ADCY2: variants seen among roughly 807,000 people sequenced by gnomAD.
The protein encoded by ADCY2 is adenylate cyclase type 2.
In ADCY2, 31 loss-of-function variants were observed where a neutral mutation model predicts 125.2. The ratio of observed to expected loss-of-function variants is 0.25; its 90% CI spans 0.19 to 0.33. The LOEUF (loss-of-function observed/expected upper bound fraction) is 0.33, where lower values mean the gene tolerates loss of function less well. Ranked by LOEUF, ADCY2 falls within the 10% of genes least tolerant of loss-of-function variation. The probability of loss-of-function intolerance (pLI) is 1.00; values close to 1 mark genes in which losing one functional copy is unlikely to be tolerated. For missense variants in ADCY2, 904 were observed against 1,418.2 expected (o/e 0.64, Z 5.82); for synonymous variants, 512 against 548.4 (o/e 0.93, Z 0.93).
chr5:7,488,520 A>C (rs889159511), intron 2 of ADCY2, among the ~76,000 whole-genome samples: 1 of 151,964 alleles, frequency 6.6e-6, no homozygotes, highest in African/African-American at 2.4e-5. Context: ...AGGGACTTGC[A>C]CTTCTCCTAC....
At chr5:7,630,725 T>C (rs1036350039) in intron 4 of ADCY2, among the ~76,000 whole-genome samples, 1 of 152,022 alleles carries the variant, frequency 6.6e-6, no homozygotes, top group Non-Finnish European at 1.5e-5. Context: ...CTAGACCCTT[T>C]CCACCATATG....
chr5:7,522,075 A>G (rs1744464889), intron 3 of ADCY2, among the ~76,000 whole-genome samples: 1 of 151,998 alleles, frequency 6.6e-6, no homozygotes, highest in African/African-American at 2.4e-5. Flanking sequence ...ACCACCTGAG[A>G]CAGACAGAGG....
At chr5:7,674,304 G>T (rs1579302697) in intron 4 of ADCY2, among the ~76,000 whole-genome samples, 2 of 152,168 alleles carry the variant, frequency 1.3e-5, no homozygotes, top group Admixed American at 1.3e-4. Context: ...TTTCGGTGTG[G>T]GGTGGGTGCA....
chr5:7,750,677 T>C (rs1400871339), intron 15 of ADCY2, among the ~76,000 whole-genome samples: 2 of 152,130 alleles, frequency 1.3e-5, no homozygotes, highest in African/African-American at 4.8e-5. Flanking sequence ...AAAAACAGGA[T>C]TCCATAATTT....
chr5:7,440,708 T>C (rs529650879), intron 2 of ADCY2, among the ~76,000 whole-genome samples: 2 of 149,948 alleles, frequency 1.3e-5, no homozygotes, highest in Non-Finnish European at 2.9e-5. Context: ...TTCTTAGAGA[T>C]AGGAAAAACC....
intron 2 of ADCY2, among the ~76,000 whole-genome samples, chr5:7,455,388 A>G (rs978587738): frequency 6.6e-6 from 1 of 152,288 alleles, no homozygotes; most frequent in East Asian, 1.9e-4. Context: ...ACAGCTGATG[A>G]AAGTCTCCTT....
intron 2 of ADCY2, among the ~76,000 whole-genome samples, chr5:7,491,701 A>C (rs1579498656): frequency 1.3e-5 from 2 of 152,130 alleles, no homozygotes; most frequent in East Asian, 3.9e-4. Context: ...GTAACATATA[A>C]GTTATAGCCC....
intron 2 of ADCY2, among the ~76,000 whole-genome samples, chr5:7,415,192 A>G (rs577315373): frequency 2.6e-5 from 4 of 152,304 alleles, no homozygotes; most frequent in South Asian, 4.1e-4. Context: ...ATTATTAACT[A>G]TGGTCAGCAT....
At chr5:7,643,402 C>T (rs1423373782) in intron 4 of ADCY2, among the ~76,000 whole-genome samples, 1 of 152,020 alleles carries the variant, frequency 6.6e-6, no homozygotes, top group Admixed American at 6.6e-5. Flanking sequence ...ATATGCATTA[C>T]TCTTCCACAA....
chr5:7,794,191 AG>A (rs972781825), intron 20 of ADCY2: 5 of 152,214 alleles, frequency 3.3e-5, no homozygotes, highest in African/African-American at 1.2e-4. Flanking sequence ...GGCGGGCTGC[AG>A]GGTTCTCTGT....
chr5:7,684,627 A>T (rs1470642073), intron 4 of ADCY2, among the ~76,000 whole-genome samples: 1 of 152,170 alleles, frequency 6.6e-6, no homozygotes, highest in Non-Finnish European at 1.5e-5. Flanking sequence ...CTCTCTAAAA[A>T]TGTTCTGGTC....
chr5:7,457,735 G>C (rs996941445), intron 2 of ADCY2, among the ~76,000 whole-genome samples: 1 of 152,272 alleles, frequency 6.6e-6, no homozygotes, highest in Non-Finnish European at 1.5e-5. Context: ...CTGTTCTGTA[G>C]TCCATTCAGA....
At position 7,789,530 on chromosome 5, in the gene ADCY2, G is replaced by A; in HGVS notation, c.2470-112G>A. On this transcript the variant is annotated intron_variant, in intron 19 of 24. Transcript: ENST00000338316. ...ATGGGGAGGGTGGAAGTTCTGTTTGGGGGTTCTTTTTTCGGTTTCATTTTG... is the reference window on the plus strand; with the variant it reads ...ATGGGGAGGGTGGAAGTTCTGTTTGAGGGTTCTTTTTTCGGTTTCATTTTG... 4 of 1,049,784 alleles carry A rather than the reference G, an allele frequency of 3.8e-6. No individual in the cohort carries two copies. In the South Asian group the frequency reaches 4.4e-5, roughly 12 times the overall value. The allele number at this position is 1,049,784 out of a possible 1,614,324, so 65.0% of individuals were successfully genotyped here. A position where few individuals can be genotyped will look rare whatever the true frequency, so the allele number is the denominator to read the frequency against.
At chr5:7,718,718 C>T (rs1392420424) in intron 12 of ADCY2, among the ~76,000 whole-genome samples, 5 of 152,112 alleles carry the variant, frequency 3.3e-5, no homozygotes, top group African/African-American at 1.2e-4. Flanking sequence ...CCACTGGCAG[C>T]ACCAGGGCCA....
chr5:7,568,942 A>C (rs1735990292), intron 3 of ADCY2, among the ~76,000 whole-genome samples: 1 of 152,204 alleles, frequency 6.6e-6, no homozygotes, highest in Non-Finnish European at 1.5e-5. Context: ...TAAACTGGGC[A>C]GTAAAACCTG....
chr5:7,584,825 T>C (rs542460546), intron 3 of ADCY2, among the ~76,000 whole-genome samples: 4 of 152,282 alleles, frequency 2.6e-5, no homozygotes, highest in Non-Finnish European at 4.4e-5. Flanking sequence ...TGATGCACTT[T>C]TGTGGACGCA....
At chr5:7,451,889 C>T (rs1299188229) in intron 2 of ADCY2, among the ~76,000 whole-genome samples, 3 of 151,910 alleles carry the variant, frequency 2.0e-5, no homozygotes, top group Non-Finnish European at 4.4e-5. Context: ...ACATTATACC[C>T]AATATGTAGG....
chr5:7,472,483 T>C (rs7447125), intron 2 of ADCY2, among the ~76,000 whole-genome samples: 5 of 152,074 alleles, frequency 3.3e-5, no homozygotes, highest in African/African-American at 1.2e-4. Flanking sequence ...CTGATATACA[T>C]ATATAATATA....
intron 3 of ADCY2, among the ~76,000 whole-genome samples, chr5:7,560,511 G>A (rs1735674816): frequency 6.6e-6 from 1 of 151,952 alleles, no homozygotes; most frequent in Non-Finnish European, 1.5e-5. Flanking sequence ...GGAAATAACT[G>A]CCTGCATTTT....
Sources: gnomAD v4.1 joint callset for allele counts (sites outside exome capture counted in the v4.1 genomes callset) on GRCh38, gnomAD v4.1.1 for gene constraint, MANE v1.5 for transcripts, NCBI Gene and HGNC (gene_info 2026-07-23, HGNC 2026-07-21) for gene names.